Variants in PON1 observed in about 807,000 individuals in gnomAD.
The protein encoded by PON1 is serum paraoxonase/arylesterase 1.
Under a neutral mutation model 39.2 loss-of-function variants are expected in PON1, and 37 were observed. The observed-to-expected ratio is 0.94, with a 90% CI of 0.73 to 1.24. The LOEUF (loss-of-function observed/expected upper bound fraction) is 1.24. Among genes scored for constraint, PON1 ranks in the 50% most tolerant of loss-of-function variants. The probability of loss-of-function intolerance (pLI) is 0.00; values close to 1 mark genes in which losing one functional copy is unlikely to be tolerated. For synonymous variants in PON1, 148 were observed against 152.2 expected (o/e 0.97, Z 0.21); for missense variants, 397 against 413.5 (o/e 0.96, Z 0.35).
intron 1 of PON1, among the ~76,000 whole-genome samples, chr7:95,322,352 A>G (rs758607745): frequency 0.012 from 1,569 of 125,554 alleles, 30 homozygotes; most frequent in African/African-American, 0.047. Context: ...GTGTGTGTGT[A>G]TATATATATA....
chr7:95,318,316 T>A lies in PON1; in HGVS notation c.145+7A>T. ...AAATGAGACCCTTCTTCCTCTCACA[T>A]ACATACCGATTCCTTTAACTAAATT... On this transcript the variant is annotated splice_region_variant and intron_variant, in intron 2 of 8. Coordinates refer to ENST00000222381, the MANE Select transcript of PON1 (RefSeq NM_000446.7). The A allele has an allele frequency of 1.3e-6, 2 of 1,595,530 alleles. No individual in the cohort carries two copies. Among genetic ancestry groups the A allele is most frequent in the Non-Finnish European group, 1.7e-6 (2 of 1,163,244 alleles).
chr7:95,323,066 A>G (rs1012403909), intron 1 of PON1, among the ~76,000 whole-genome samples: 8 of 152,158 alleles, frequency 5.3e-5, no homozygotes, highest in African/African-American at 1.9e-4. Flanking sequence ...TCCCCCAGGG[A>G]GTTTGTTCCA....
rs750758115 is a variant in PON1, at chr7:95,302,353, GA to G, written c.781-21del. ...AAGGGACTTAAAAGATTAAAAACAA[GA>G]AAAGAACAAGACATAAAGTAAAACA... On this transcript the variant is annotated intron_variant, in intron 7 of 8. Coordinates refer to ENST00000222381, the MANE Select transcript of PON1 (RefSeq NM_000446.7). 2 of 1,595,664 alleles carry G rather than the reference GA, an allele frequency of 1.3e-6. No individual in the cohort carries two copies. Among genetic ancestry groups the G allele is most frequent in the South Asian group, 2.2e-5 (2 of 90,700 alleles).
chr7:95,307,967 T>G, intron 6 of PON1, 44 bp downstream of exon 6: 1 of 1,523,546 alleles, frequency 6.6e-7, no homozygotes, highest in Non-Finnish European at 9.1e-7. Context: ...AGATATCTCC[T>G]GAGAATCTGA....
chr7:95,315,216 T>C, intron 4 of PON1, 106 bp downstream of exon 4: 4 of 1,050,402 alleles, frequency 3.8e-6, no homozygotes, highest in South Asian at 1.4e-5. Flanking sequence ...ACATTATTCA[T>C]GACTATGCTT....
chr7:95,318,238 A>G, intron 2 of PON1, 85 bp downstream of exon 2: 1 of 1,118,540 alleles, frequency 8.9e-7, no homozygotes, highest in Middle Eastern at 2.0e-4. Context: ...ATTTTTGGAC[A>G]GAATTGAACA....
chr7:95,302,237 A>G lies in PON1; in HGVS notation c.877T>C (p.Phe293Leu). 6.2e-7 allele frequency: 1 copy of G among 1,613,224 alleles called. No individual in the cohort carries two copies. Among genetic ancestry groups the G allele is most frequent in the African/African-American group, 1.3e-5 (1 of 75,008 alleles). ...GCHPNGMKIF[F>L]YDSENPPASE... is the part of the protein sequence containing the mutation. ...GCAGGAGGATTCTCTGAGTCATAGA[A>G]GAAGATTTTCATGCCATTGGGATGG... Residue 293 changes from phenylalanine to leucine, a missense_variant, in exon 8 of 9, where the codon TTC becomes CTC. Physicochemically the swap from Phe to Leu is conservative, Grantham distance 22. Coordinates refer to ENST00000222381, the MANE Select transcript of PON1 (RefSeq NM_000446.7).
Position 95,318,389 on chromosome 7 carries a change from G to A in PON1, c.79C>T (p.Arg27Ter), listed in dbSNP as rs565598241. The A allele has an allele frequency of 5.6e-6, 9 of 1,605,750 alleles. No individual in the cohort carries two copies. Among genetic ancestry groups the A allele is most frequent in the East Asian group, 2.2e-5 (1 of 44,828 alleles). ...TGTACCTCTCGGAGAGCATTAAGTC[G>A]TGTTCTGTGGGGGAGAAAGAAATAA... ...FRNHQSSYQTRLNALREVQPV... is the reference protein window; with the variant it reads ...FRNHQSSYQT Residue 27 changes from arginine to a stop codon, truncating the protein, a stop_gained, in exon 2 of 9, where the codon CGA becomes TGA. Coordinates refer to ENST00000222381, the MANE Select transcript of PON1 (RefSeq NM_000446.7). LOFTEE classifies it high-confidence loss of function.
intron 5 of PON1, among the ~76,000 whole-genome samples, chr7:95,310,868 G>A (rs1352781194): frequency 1.3e-5 from 2 of 152,234 alleles, no homozygotes; most frequent in Non-Finnish European, 2.9e-5. Flanking sequence ...CAGGGCATGT[G>A]AGGAAGTTGA....
intron 7 of PON1, among the ~76,000 whole-genome samples, chr7:95,304,350 T>C (rs934740563): frequency 1.4e-5 from 2 of 143,894 alleles, no homozygotes; most frequent in East Asian, 2.0e-4. Context: ...TTTTTTTTTT[T>C]AGATGGCGTT....
At chr7:95,303,060 T>A (rs963480347) in intron 7 of PON1, among the ~76,000 whole-genome samples, 6 of 152,218 alleles carry the variant, frequency 3.9e-5, no homozygotes, top group African/African-American at 1.4e-4. Flanking sequence ...TTTGTTTACC[T>A]CTAATTCTCA....
intron 1 of PON1, chr7:95,318,638 A>G: frequency 2.2e-6 from 1 of 446,004 alleles, no homozygotes; most frequent in Non-Finnish European, 4.1e-6. Flanking sequence ...TATCCTCTCT[A>G]GGGCTCTGTG....
intron 8 of PON1, among the ~76,000 whole-genome samples, chr7:95,300,985 T>C (rs1280514589): frequency 1.4e-5 from 2 of 147,260 alleles, no homozygotes; most frequent in Admixed American, 6.9e-5. Context: ...CATTTGTTTC[T>C]TTTTTTTTTA....
At chr7:95,313,195 C>A (rs1308043940) in intron 4 of PON1, among the ~76,000 whole-genome samples, 1 of 152,190 alleles carries the variant, frequency 6.6e-6, no homozygotes, top group Non-Finnish European at 1.5e-5. Flanking sequence ...AGGATTAAAA[C>A]CTGAATTCAC....
chr7:95,313,660 C>A (rs546392735), intron 4 of PON1, among the ~76,000 whole-genome samples: 147 of 134,558 alleles, frequency 1.1e-3, no homozygotes, highest in African/African-American at 4.4e-3. Context: ...GTGTGTGTCT[C>A]ACATGGGGAA....
At chr7:95,311,325 G>A in intron 5 of PON1, 126 bp downstream of exon 5, 1 of 1,151,008 alleles carries the variant, frequency 8.7e-7, no homozygotes, top group South Asian at 1.3e-5. Context: ...AGCATGTGGA[G>A]GAGTTTGTGA....
At chr7:95,305,694 A>G (rs1323363330) in intron 7 of PON1, among the ~76,000 whole-genome samples, 1 of 152,058 alleles carries the variant, frequency 6.6e-6, no homozygotes, top group African/African-American at 2.4e-5. Flanking sequence ...GGGGTCATGG[A>G]GATCTGGAGG....
intron 2 of PON1, among the ~76,000 whole-genome samples, chr7:95,317,555 T>C (rs1351281756): frequency 9.7e-6 from 1 of 103,606 alleles, no homozygotes; most frequent in East Asian, 2.7e-4. Context: ...TCAACTGAGA[T>C]GAATAATTCT....
chr7:95,300,773 T>C (rs3917567), intron 8 of PON1, among the ~76,000 whole-genome samples: 14,744 of 152,196 alleles, frequency 0.097, 878 homozygotes, highest in African/African-American at 0.14. Flanking sequence ...CAAGAACAAA[T>C]TAGAATCTAA....
Sources: allele counts gnomAD v4.1 joint callset (sites outside exome capture counted in the v4.1 genomes callset), GRCh38; gene constraint gnomAD v4.1.1; transcripts MANE v1.5; gene names NCBI Gene and HGNC (gene_info 2026-07-23, HGNC 2026-07-21).